MVB12B: variants seen among roughly 807,000 people sequenced by gnomAD.
MVB12B encodes ESCRT-I complex subunit MVB12B.
In MVB12B, 16 loss-of-function variants were observed where a neutral mutation model predicts 41.6. The observed-to-expected ratio is 0.38, with a 90% confidence interval of 0.26 to 0.58. The LOEUF (loss-of-function observed/expected upper bound fraction) is 0.58, where lower values mean the gene tolerates loss of function less well. MVB12B is among the 20% of genes least tolerant of loss of function. The pLI, the probability that MVB12B is intolerant of heterozygous loss-of-function variation, is 0.62. For synonymous variants in MVB12B, 133 were observed against 139.7 expected, an observed-to-expected ratio of 0.95 and a Z score of 0.34; for missense variants, 274 against 380.2, an observed-to-expected ratio of 0.72 and a Z score of 2.32.
chr9:126,403,799 G>T (rs571847927), intron 6 of MVB12B, among the ~76,000 whole-genome samples: 1 of 152,204 alleles, frequency 6.6e-6, no homozygotes. Flanking sequence ...GTATTTATTG[G>T]ATGCAGAAAA....
Position 126,376,558 on chromosome 9 carries a change from C to T in MVB12B, c.205-4506C>T, listed in dbSNP as rs1830485836. The T allele has an allele frequency of 2.3e-6, 3 of 1,289,234 alleles. No individual in the cohort carries two copies. Among genetic ancestry groups the T allele is most frequent in the Non-Finnish European group, 3.0e-6 (3 of 988,872 alleles). The allele number at this position is 1,289,234 out of a possible 1,614,324, so 79.9% of individuals were successfully genotyped here. A position where few individuals can be genotyped will look rare whatever the true frequency, so the allele number is the denominator to read the frequency against. ...TGGCTCAGATCGTGGGCTGGTCCAC[C>T]CTGGCGCTTTCCAGAGACAAAGCCC... On this transcript the variant is annotated intron_variant, in intron 2 of 9. Transcript: ENST00000361171. This position sits in a 1 kb window ranked among gnomAD's most constrained non-coding sequence, Gnocchi z 4.1.
rs1391738299 is a variant in MVB12B, at chr9:126,392,191, A to G, written c.535A>G (p.Ile179Val). The change falls in exon 5 of 10, where the codon ATT (isoleucine) becomes GTT (valine). Residue 179 changes from isoleucine (I) to valine (V), a missense_variant. Physicochemically the swap from Ile to Val is conservative, Grantham distance 29. Transcript: ENST00000361171. This position sits in a 1 kb window ranked among gnomAD's most constrained non-coding sequence, Gnocchi z 4.8. ...TKQAPPQYTF[I>V]GELNSMGIWY... ...GCAGGCCCCGCCTCAGTACACGTTTATTGGGTGAGTCTTAATAACAGGACT... is the reference window on the plus strand; with the variant it reads ...GCAGGCCCCGCCTCAGTACACGTTTGTTGGGTGAGTCTTAATAACAGGACT... 1.2e-6 allele frequency: 2 copies of G among 1,614,062 alleles called. No individual in the cohort carries two copies. Among genetic ancestry groups the G allele is most frequent in the Non-Finnish European group, 1.7e-6 (2 of 1,179,976 alleles).
intron 2 of MVB12B, among the ~76,000 whole-genome samples, chr9:126,368,738 TAGA>T (rs1332220822): frequency 1.3e-5 from 2 of 152,340 alleles, no homozygotes; most frequent in African/African-American, 4.8e-5. Flanking sequence ...AAATAAGGAA[TAGA>T]AGAATATCTT....
chr9:126,411,078 G>A (rs1416911220), intron 6 of MVB12B, among the ~76,000 whole-genome samples: 1 of 151,856 alleles, frequency 6.6e-6, no homozygotes, highest in Admixed American at 6.6e-5. Flanking sequence ...TAGTAGAAAC[G>A]GGGTTTCACC....
At position 126,335,362 on chromosome 9, in the gene MVB12B, T is replaced by C. The variant is rs1424924493; in HGVS notation, c.82-5146T>C. The stretch of plus-strand genomic sequence containing the variant: ...CCCCAAAGCCAGCTGCCCATTTAAC[T>C]GGGCACAGCATGGACACTGGCCTCA... On this transcript the variant is annotated intron_variant, in intron 1 of 9. Transcript: ENST00000361171. 9 of 1,304,194 alleles carry C rather than the reference T, an allele frequency of 6.9e-6. No individual in the cohort carries two copies. The East Asian group carries it at 3.3e-4, about 48-fold the overall frequency. The allele number at this position is 1,304,194 out of a possible 1,614,324, so 80.8% of individuals were successfully genotyped here.
At chr9:126,364,639 C>T (rs891316982) in intron 2 of MVB12B, among the ~76,000 whole-genome samples, 5 of 152,248 alleles carry the variant, frequency 3.3e-5, no homozygotes, top group African/African-American at 7.2e-5. Context: ...AGACCCATTG[C>T]TTTCATAGCC....
chr9:126,487,876 G>T (rs1289151969), intron 9 of MVB12B, among the ~76,000 whole-genome samples: 2 of 152,190 alleles, frequency 1.3e-5, no homozygotes, highest in Non-Finnish European at 2.9e-5. Context: ...CTTAAACAGG[G>T]TAGAAAACCA....
At position 126,436,840 on chromosome 9, in the gene MVB12B, AT is replaced by A. The variant is rs1302985327; in HGVS notation, c.757+14895del. Among the ~76,000 whole-genome samples the A allele has an allele frequency of 6.6e-6, 1 of 152,108 alleles. No homozygotes were observed. Among genetic ancestry groups the A allele is most frequent in the Non-Finnish European group, 1.5e-5 (1 of 68,022 alleles). On this transcript the variant is annotated intron_variant, in intron 7 of 9. Transcript: ENST00000361171. This position sits in a 1 kb window ranked among gnomAD's most constrained non-coding sequence, Gnocchi z 4.1. ...TTTTTAAAAGCGAATTGCTCACAAC[AT>A]TTGCTTTCTTTAATTTTTTCCATGT...
chr9:126,498,057 C>T (rs959938976), intron 9 of MVB12B, among the ~76,000 whole-genome samples: 3 of 151,496 alleles, frequency 2.0e-5, no homozygotes, highest in Non-Finnish European at 2.9e-5. Flanking sequence ...CGCCATATGA[C>T]GTGGGCACTG....
intron 7 of MVB12B, among the ~76,000 whole-genome samples, chr9:126,471,519 A>G (rs1041999877): frequency 5.3e-5 from 8 of 152,216 alleles, no homozygotes; most frequent in Admixed American, 5.2e-4. Flanking sequence ...GGCCCTGTGT[A>G]AACTCAATTG....
chr9:126,451,544 A>G (rs1453399923), intron 7 of MVB12B, among the ~76,000 whole-genome samples: 2 of 152,148 alleles, frequency 1.3e-5, no homozygotes, highest in African/African-American at 4.8e-5. Context: ...ATTCAAGCCC[A>G]GGGGAATGGT....
Position 126,347,013 on chromosome 9 carries a change from T to C in MVB12B, c.204+6383T>C, listed in dbSNP as rs181293940. ...CCTTTGAAGAGGGGAGGCCAGGGCATAGCGGGAGCTAGAGGATGCCATGAC... is the reference window on the plus strand; with the variant it reads ...CCTTTGAAGAGGGGAGGCCAGGGCACAGCGGGAGCTAGAGGATGCCATGAC... On this transcript the variant is annotated intron_variant, in intron 2 of 9. Transcript: ENST00000361171. Among the ~76,000 whole-genome samples the C allele has an allele frequency of 4.6e-5, 7 of 152,336 alleles. No homozygotes were observed. In the East Asian group the frequency reaches 1.4e-3, roughly 29 times the overall value.
At chr9:126,338,036 C>T (rs1829332745) in intron 1 of MVB12B, among the ~76,000 whole-genome samples, 1 of 152,364 alleles carries the variant, frequency 6.6e-6, no homozygotes, top group African/African-American at 2.4e-5. Context: ...TGAGTGATGG[C>T]CCCTGCCATG....
At chr9:126,407,673 C>T (rs945082799) in intron 6 of MVB12B, among the ~76,000 whole-genome samples, 1 of 152,252 alleles carries the variant, frequency 6.6e-6, no homozygotes, top group Admixed American at 6.5e-5. Context: ...CTTTAATCAC[C>T]GCGAGGGGGG....
At chr9:126,396,705 A>T in intron 6 of MVB12B, 1 of 985,442 alleles carries the variant, frequency 1.0e-6, no homozygotes, top group South Asian at 4.7e-5. Context: ...ATCCCCCTAT[A>T]AAGACAATCT....
chr9:126,419,349 C>T (rs571557125), intron 6 of MVB12B, among the ~76,000 whole-genome samples: 1 of 152,278 alleles, frequency 6.6e-6, no homozygotes, highest in East Asian at 1.9e-4. Flanking sequence ...CACACAAAGC[C>T]CTGTGCTCAG....
In MVB12B at chr9:126,376,630, TA is replaced by T. The variant is rs1437747357; in HGVS notation, c.205-4432del. 1 of 1,289,064 alleles carries T rather than the reference TA, an allele frequency of 7.8e-7. No homozygotes were observed. Among genetic ancestry groups the T allele is most frequent in the Non-Finnish European group, 1.0e-6 (1 of 988,718 alleles). The allele number at this position is 1,289,064 out of a possible 1,614,324, so 79.9% of individuals were successfully genotyped here. A position where few individuals can be genotyped will look rare whatever the true frequency, so the allele number is the denominator to read the frequency against. ...AGGCGGCTGGAAGCAAGAAGGAGGG[TA>T]AGCGCGGGTGGCAGGGAGGGGCCTG... On this transcript the variant is annotated intron_variant, in intron 2 of 9. Transcript: ENST00000361171. The surrounding 1 kb of genome is among the most constrained non-coding windows in gnomAD (Gnocchi z 4.1).
intron 2 of MVB12B, among the ~76,000 whole-genome samples, chr9:126,358,645 T>G (rs528294790): frequency 1.3e-5 from 2 of 152,382 alleles, no homozygotes; most frequent in East Asian, 3.9e-4. Flanking sequence ...GACTTGGTAT[T>G]CTGCAATCTT....
At chr9:126,351,274 G>C (rs1016368056) in intron 2 of MVB12B, among the ~76,000 whole-genome samples, 14 of 152,002 alleles carry the variant, frequency 9.2e-5, no homozygotes, top group Non-Finnish European at 1.9e-4. Context: ...TTAGTTCTAG[G>C]TTTTTGGTTT....
Sources: gnomAD v4.1 joint callset for allele counts (sites outside exome capture counted in the v4.1 genomes callset) on GRCh38, gnomAD v4.1.1 for gene constraint, Gnocchi (gnomAD v3.1) non-coding constraint, MANE v1.5 for transcripts, NCBI Gene and HGNC (gene_info 2026-07-23, HGNC 2026-07-21) for gene names.